USP25: variants seen among roughly 807,000 people sequenced by gnomAD.
The protein encoded by USP25 is ubiquitin carboxyl-terminal hydrolase 25.
Under a neutral mutation model 158.5 loss-of-function variants are expected in USP25, and 85 were observed. The observed-to-expected ratio is 0.54, with a 90% CI of 0.45 to 0.64. USP25 has a LOEUF of 0.64. Among genes scored for constraint, USP25 ranks in the 30% least tolerant of loss-of-function variants. The pLI is 0.00. For synonymous variants in USP25, 464 were observed against 460.4 expected (o/e 1.01, Z -0.10); for missense variants, 1,242 against 1,327.3 (o/e 0.94, Z 1.00).
At chr21:15,765,364 G>A (rs1410933766) in intron 2 of USP25, among the ~76,000 whole-genome samples, 1 of 152,042 alleles carries the variant, frequency 6.6e-6, no homozygotes, top group Admixed American at 6.6e-5. Context: ...ATAAACTTTA[G>A]AATAATTTTA....
chr21:15,829,795 G>C (rs2037706888), intron 14 of USP25, among the ~76,000 whole-genome samples: 1 of 151,970 alleles, frequency 6.6e-6, no homozygotes, highest in Non-Finnish European at 1.5e-5. Flanking sequence ...ATTTTTTAAA[G>C]TGTTGGGCAG....
intron 4 of USP25, among the ~76,000 whole-genome samples, chr21:15,781,605 A>G (rs1269420934): frequency 6.6e-6 from 1 of 152,132 alleles, no homozygotes; most frequent in African/African-American, 2.4e-5. Context: ...GAGAACAGCA[A>G]AGTCCCTGTG....
In USP25 at chr21:15,839,245, A is replaced by G. The variant is rs374514450; in HGVS notation, c.2195-3153A>G. On this transcript the variant is annotated intron_variant, in intron 17 of 25. Coordinates refer to ENST00000400183, the MANE Select transcript of USP25 (RefSeq NM_001283041.3). ...CACTCATCTAAGTTCCCTGGGAGGT[A>G]TATACACAGGGAAAACCCTAGAGAA... Among the ~76,000 whole-genome samples, 3 of 152,174 alleles carry G rather than the reference A, an allele frequency of 2.0e-5. No homozygotes were observed. The East Asian group carries it at 5.8e-4, about 29-fold the overall frequency.
Position 15,824,180 on chromosome 21 carries a change from T to C in USP25, c.1208+14T>C, listed in dbSNP as rs2146351647. Reference sequence around the variant, plus strand: ...ATATTTGGACAGGTATGGTTTGATATACTGCATGACTTAGTTTGAAACAGT... The same window carrying C: ...ATATTTGGACAGGTATGGTTTGATACACTGCATGACTTAGTTTGAAACAGT... On this transcript the variant is annotated intron_variant, in intron 11 of 25. Transcript: ENST00000400183. 2.5e-6 allele frequency: 4 copies of C among 1,610,134 alleles called. No individual in the cohort carries two copies. Among genetic ancestry groups the C allele is most frequent in the East Asian group, 4.5e-5 (2 of 44,766 alleles).
intron 3 of USP25, among the ~76,000 whole-genome samples, chr21:15,773,004 T>C (rs978086929): frequency 1.3e-5 from 2 of 151,620 alleles, no homozygotes; most frequent in Non-Finnish European, 2.9e-5. Flanking sequence ...TTGTTACAAT[T>C]ACAATGAAAT....
chr21:15,791,144 GTCA>G (rs763088374), intron 4 of USP25, among the ~76,000 whole-genome samples: 34 of 151,838 alleles, frequency 2.2e-4, no homozygotes, highest in Admixed American at 1.2e-3. Context: ...ATAAAAAGTG[GTCA>G]TCATGTTATA....
chr21:15,760,836 C>T (rs2033680353), intron 1 of USP25, among the ~76,000 whole-genome samples: 2 of 151,986 alleles, frequency 1.3e-5, no homozygotes, highest in Admixed American at 6.6e-5. Context: ...GGATATATTT[C>T]CTAATAAAAA....
intron 1 of USP25, among the ~76,000 whole-genome samples, chr21:15,753,605 A>G (rs1298981829): frequency 6.6e-6 from 1 of 152,148 alleles, no homozygotes; most frequent in Non-Finnish European, 1.5e-5. Flanking sequence ...AGTGGGCCTG[A>G]CTTATGTCAT....
Position 15,824,183 on chromosome 21 carries a change from T to G in USP25, c.1208+17T>G. 6.2e-7 allele frequency: 1 copy of G among 1,609,114 alleles called. No homozygotes were observed. The highest frequency in any genetic ancestry group is 8.5e-7 in the Non-Finnish European group (1 of 1,179,302). ...TTTGGACAGGTATGGTTTGATATAC[T>G]GCATGACTTAGTTTGAAACAGTTTA... On this transcript the variant is annotated intron_variant, in intron 11 of 25. Transcript: ENST00000400183.
intron 14 of USP25, 118 bp downstream of exon 14, chr21:15,827,321 T>C (rs1330809587): frequency 2.2e-6 from 2 of 925,786 alleles, no homozygotes; most frequent in Non-Finnish European, 3.2e-6. Context: ...ATTTTTCTTT[T>C]CCAGAAAGGG....
chr21:15,791,053 T>C (rs79642959), intron 4 of USP25, among the ~76,000 whole-genome samples: 1 of 151,904 alleles, frequency 6.6e-6, no homozygotes. Context: ...ACTTTTTTTT[T>C]GTAGAAGAAG....
At chr21:15,806,058 A>T (rs2036372600) in intron 7 of USP25, among the ~76,000 whole-genome samples, 1 of 149,868 alleles carries the variant, frequency 6.7e-6, no homozygotes, top group Admixed American at 6.6e-5. Flanking sequence ...AATGTGAATG[A>T]ACAAAAAGGG....
chr21:15,838,003 TTAGC>T (rs2038140034), intron 17 of USP25, among the ~76,000 whole-genome samples: 1 of 152,032 alleles, frequency 6.6e-6, no homozygotes, highest in Non-Finnish European at 1.5e-5. Context: ...TGGCATGATC[TTAGC>T]TCACTGCCTG....
At chr21:15,811,281 A>G in intron 9 of USP25, 71 bp downstream of exon 9, 1 of 1,392,536 alleles carries the variant, frequency 7.2e-7, no homozygotes, top group Non-Finnish European at 9.9e-7. Context: ...CTCGATAGTT[A>G]CTATTTTTTT....
chr21:15,763,065 G>A (rs2033829559), intron 2 of USP25, 97 bp downstream of exon 2: 4 of 1,133,124 alleles, frequency 3.5e-6, no homozygotes, highest in South Asian at 4.1e-5. Context: ...GGTATACCAT[G>A]TGGTAGTTTT....
chr21:15,745,728 G>A (rs1986788), intron 1 of USP25, among the ~76,000 whole-genome samples: 23,393 of 151,848 alleles, frequency 0.15, 3,757 homozygotes, highest in African/African-American at 0.41. Context: ...CGCCCGCCTC[G>A]GTCTCCCAAA....
At chr21:15,813,143 A>G (rs967174799) in intron 9 of USP25, among the ~76,000 whole-genome samples, 1 of 152,082 alleles carries the variant, frequency 6.6e-6, no homozygotes, top group African/African-American at 2.4e-5. Flanking sequence ...ACTGTAGTGG[A>G]TCATGAATTT....
intron 5 of USP25, 40 bp from the exon 6 acceptor site, chr21:15,799,717 A>AT (rs1232420850): frequency 7.1e-7 from 1 of 1,406,288 alleles, no homozygotes; most frequent in Admixed American, 2.1e-5. Flanking sequence ...TGCTAATGGA[A>AT]TTTTCCCTCA....
At chr21:15,767,832 G>C (rs985655048) in intron 3 of USP25, among the ~76,000 whole-genome samples, 1 of 151,978 alleles carries the variant, frequency 6.6e-6, no homozygotes, top group Non-Finnish European at 1.5e-5. Flanking sequence ...TTATAGAAAA[G>C]GGGAAAATTA....
Sources: gnomAD v4.1 joint callset for allele counts (sites outside exome capture counted in the v4.1 genomes callset) on GRCh38, gnomAD v4.1.1 for gene constraint, MANE v1.5 for transcripts, NCBI Gene and HGNC (gene_info 2026-07-23, HGNC 2026-07-21) for gene names.